PTCH1: variants seen among roughly 807,000 people sequenced by gnomAD.
PTCH1 encodes the protein protein patched homolog 1.
Under a neutral mutation model 144.6 loss-of-function variants are expected in PTCH1, and 14 were observed. That is an observed-to-expected ratio of 0.10 (90% CI 0.06 to 0.15). The LOEUF (loss-of-function observed/expected upper bound fraction) is 0.15, where lower values mean the gene tolerates loss of function less well. PTCH1 is among the 10% of genes least tolerant of loss of function. The pLI, the probability that PTCH1 is intolerant of heterozygous loss-of-function variation, is 1.00. For synonymous variants in PTCH1, 833 were observed against 793.6 expected (o/e 1.05, Z -0.83); for missense variants, 1,623 against 1,948.3 (o/e 0.83, Z 3.14).
intron 20 of PTCH1, chr9:95,451,641 G>C (rs1310544248): frequency 6.6e-6 from 1 of 152,218 alleles, no homozygotes; most frequent in African/African-American, 2.4e-5. Flanking sequence ...TCCCCTAAAA[G>C]ACCTTAGGCT....
intron 17 of PTCH1, 98 bp downstream of exon 17, chr9:95,459,502 C>T (rs1839262121): frequency 1.4e-6 from 2 of 1,430,622 alleles, no homozygotes; most frequent in Non-Finnish European, 2.0e-6. Flanking sequence ...ACTTCTGAAC[C>T]CTGGGTAGCG....
rs1433358193 is a variant in PTCH1, at chr9:95,476,493, T to C, written c.1602+266A>G. ...GAAGCAAATGCAGGCTCTGGGAATG[T>C]ATGGCAGTTAGGGATAAAGTGTCAC... On this transcript the variant is annotated intron_variant, in intron 11 of 23. Coordinates refer to ENST00000331920, the MANE Select transcript of PTCH1 (RefSeq NM_000264.5). The surrounding 1 kb of genome is among the most constrained non-coding windows in gnomAD (Gnocchi z 4.6). Among the ~76,000 whole-genome samples the C allele has an allele frequency of 6.6e-6, 1 of 152,178 alleles. No homozygotes were observed. The highest frequency in any genetic ancestry group is 1.5e-5 in the Non-Finnish European group (1 of 68,024).
intron 2 of PTCH1, among the ~76,000 whole-genome samples, chr9:95,486,156 G>A (rs1243342218): frequency 2.0e-5 from 3 of 152,178 alleles, no homozygotes; most frequent in African/African-American, 4.8e-5. Flanking sequence ...GGGGCAGAAA[G>A]GAAAACTTGA....
chr9:95,473,000 CT>C (rs1305224357), intron 12 of PTCH1, among the ~76,000 whole-genome samples: 1 of 152,214 alleles, frequency 6.6e-6, no homozygotes, highest in Non-Finnish European at 1.5e-5. Flanking sequence ...GCAGCTAAGG[CT>C]GGGACACATG....
chr9:95,459,857 G>A, intron 16 of PTCH1, 74 bp from the exon 17 acceptor site: 1 of 1,515,104 alleles, frequency 6.6e-7, no homozygotes, highest in Non-Finnish European at 9.1e-7. Context: ...TGAGAGCACA[G>A]AAGCTGAGCT....
At chr9:95,454,897 A>G (rs1038978967) in intron 19 of PTCH1, among the ~76,000 whole-genome samples, 1 of 152,228 alleles carries the variant, frequency 6.6e-6, no homozygotes. Flanking sequence ...TAGCATTTCC[A>G]TGGTAAAAAT....
At chr9:95,496,947 A>G (rs1217142373) in intron 2 of PTCH1, among the ~76,000 whole-genome samples, 2 of 152,300 alleles carry the variant, frequency 1.3e-5, no homozygotes, top group Middle Eastern at 3.4e-3. Flanking sequence ...AATGTGGAAG[A>G]ATTCACAAAA....
At chr9:95,482,581 CA>C in intron 3 of PTCH1, 1 of 330,922 alleles carries the variant, frequency 3.0e-6, no homozygotes, top group Non-Finnish European at 5.7e-6. Flanking sequence ...ATTAGGTTTG[CA>C]AAGTATTGAC....
intron 1 of PTCH1, chr9:95,507,030 G>C: frequency 1.0e-6 from 1 of 989,534 alleles, no homozygotes; most frequent in Non-Finnish European, 1.2e-6. Context: ...CATCACCCTC[G>C]GGGACGGGCG....
chr9:95,461,709 A>T, intron 16 of PTCH1, 147 bp downstream of exon 16: 1 of 1,126,464 alleles, frequency 8.9e-7, no homozygotes, highest in Non-Finnish European at 1.3e-6. Flanking sequence ...GAGGTGAATT[A>T]GAGTCACCCA....
At chr9:95,471,436 G>A (rs1840573212) in intron 12 of PTCH1, among the ~76,000 whole-genome samples, 1 of 152,160 alleles carries the variant, frequency 6.6e-6, no homozygotes, top group Non-Finnish European at 1.5e-5. Context: ...CCACTCTAAT[G>A]TATTTAAGAC....
chr9:95,460,003 C>G (rs2136674806), intron 16 of PTCH1: 1 of 597,092 alleles, frequency 1.7e-6, no homozygotes, highest in African/African-American at 1.8e-5. Flanking sequence ...AAACACAGTT[C>G]TGCAGATGGC....
chr9:95,475,647 AG>A (rs35301022), intron 12 of PTCH1, among the ~76,000 whole-genome samples: 1 of 151,946 alleles, frequency 6.6e-6, no homozygotes, highest in African/African-American at 2.4e-5. Flanking sequence ...GCAGCGGGAG[AG>A]GGGGTAAGTG....
upstream of PTCH1, among the ~76,000 whole-genome samples, chr9:95,510,821 G>A (rs1004063643): frequency 6.6e-6 from 1 of 151,390 alleles, no homozygotes; most frequent in Admixed American, 6.6e-5. Context: ...AGCTCCGGTG[G>A]CCACGTGACC....
chr9:95,453,323 G>C, intron 20 of PTCH1, 155 bp downstream of exon 20: 1 of 1,111,780 alleles, frequency 9.0e-7, no homozygotes, highest in South Asian at 1.3e-5. Context: ...GTGGAGATGA[G>C]TTTCACCATC....
At position 95,458,039 on chromosome 9, in the gene PTCH1, G is replaced by C; in HGVS notation, c.3142C>G (p.Leu1048Val). Residue 1048 changes from leucine (L) to valine (V), a missense_variant, in exon 18 of 24, where the codon CTG becomes GTG. Transcript: ENST00000331920. This position sits in a 1 kb window ranked among gnomAD's most constrained non-coding sequence, Gnocchi z 4.7. ...CTFLVCAVFL[L>V]NPWTAGIIVM... ...ATGATCCCGGCCGTCCAGGGGTTCAGAAGGAAGACAGCGCACACGAGGAAT... is the reference window on the plus strand; with the variant it reads ...ATGATCCCGGCCGTCCAGGGGTTCACAAGGAAGACAGCGCACACGAGGAAT... 6.2e-7 allele frequency: 1 copy of C among 1,614,184 alleles called. No individual in the cohort carries two copies. Among genetic ancestry groups the C allele is most frequent in the East Asian group, 2.2e-5 (1 of 44,884 alleles).
At chr9:95,447,839 C>A (rs960738975) in intron 22 of PTCH1, among the ~76,000 whole-genome samples, 1 of 152,226 alleles carries the variant, frequency 6.6e-6, no homozygotes, top group East Asian at 1.9e-4. Flanking sequence ...GGCCTGAGTG[C>A]AGGACGCTGG....
intron 2 of PTCH1, among the ~76,000 whole-genome samples, chr9:95,491,485 G>A (rs969009493): frequency 6.6e-6 from 1 of 152,230 alleles, no homozygotes; most frequent in South Asian, 2.1e-4. Flanking sequence ...AGCGGAGCAA[G>A]TGTCAGTTCA....
chr9:95,502,795 G>T (rs1843243736), intron 2 of PTCH1, among the ~76,000 whole-genome samples: 1 of 152,000 alleles, frequency 6.6e-6, no homozygotes, highest in South Asian at 2.1e-4. Flanking sequence ...GATGTATTCT[G>T]CCCTCTTTAT....
Sources: allele counts gnomAD v4.1 joint callset (sites outside exome capture counted in the v4.1 genomes callset), GRCh38; gene constraint gnomAD v4.1.1; non-coding constraint Gnocchi (gnomAD v3.1); transcripts MANE v1.5; gene names NCBI Gene and HGNC (gene_info 2026-07-23, HGNC 2026-07-21).